GRIN2A: variants seen among roughly 807,000 people sequenced by gnomAD.
GRIN2A encodes the protein glutamate ionotropic receptor NMDA type subunit 2A, also known as glutamate receptor ionotropic, NMDA 2A.
GRIN2A carries 22 observed loss-of-function variants against 113.4 expected under a neutral mutation model. The ratio of observed to expected loss-of-function variants is 0.19; its 90% CI spans 0.14 to 0.28. The LOEUF (loss-of-function observed/expected upper bound fraction) is 0.28. Ranked by LOEUF, GRIN2A falls within the 10% of genes least tolerant of loss-of-function variation. GRIN2A has a pLI of 1.00. For missense variants in GRIN2A, 1,502 were observed against 1,887.0 expected (o/e 0.80, Z 3.78); for synonymous variants, 827 against 738.4 (o/e 1.12, Z -1.94).
chr16:9,959,346 T>C (rs2045380385), intron 2 of GRIN2A, among the ~76,000 whole-genome samples: 2 of 152,212 alleles, frequency 1.3e-5, no homozygotes, highest in Admixed American at 1.3e-4. Context: ...AATTATGATG[T>C]TCTGTCTCCT....
intron 2 of GRIN2A, among the ~76,000 whole-genome samples, chr16:10,101,872 G>T (rs2048405980): frequency 6.6e-6 from 1 of 152,160 alleles, no homozygotes; most frequent in Non-Finnish European, 1.5e-5. Context: ...TGGCAGGTTT[G>T]GGAAAATCTA....
intron 2 of GRIN2A, among the ~76,000 whole-genome samples, chr16:9,966,324 G>C (rs2045555984): frequency 6.6e-6 from 1 of 152,076 alleles, no homozygotes; most frequent in Non-Finnish European, 1.5e-5. Flanking sequence ...ATGTGTCCAT[G>C]TGTTCTCATC....
intron 11 of GRIN2A, among the ~76,000 whole-genome samples, chr16:9,775,556 T>C (rs763927032): frequency 3.3e-5 from 5 of 152,162 alleles, no homozygotes; most frequent in South Asian, 2.1e-4. Context: ...TGGATTTGCA[T>C]AGGGCTGGAG....
intron 3 of GRIN2A, among the ~76,000 whole-genome samples, chr16:9,936,221 C>T (rs1294384702): frequency 3.3e-5 from 5 of 152,138 alleles, no homozygotes; most frequent in Non-Finnish European, 7.3e-5. Context: ...CTGGGCTCAC[C>T]CCATATTTTC....
At chr16:10,045,587 T>C (rs1383573659) in intron 2 of GRIN2A, among the ~76,000 whole-genome samples, 2 of 152,186 alleles carry the variant, frequency 1.3e-5, no homozygotes, top group Non-Finnish European at 2.9e-5. Context: ...GTGAGCCTGA[T>C]GAAGATAAGA....
At chr16:10,055,046 T>TAAAAAA (rs1567266287) in intron 2 of GRIN2A, among the ~76,000 whole-genome samples, 14 of 12,496 alleles carry the variant, frequency 1.1e-3, no homozygotes, top group Admixed American at 1.7e-3. Context: ...AGACTCTATC[T>TAAAAAA]CAAAAAAAAA....
chr16:9,854,613 A>G (rs2042937402), intron 4 of GRIN2A, among the ~76,000 whole-genome samples: 1 of 152,156 alleles, frequency 6.6e-6, no homozygotes, highest in African/African-American at 2.4e-5. Context: ...CCCACCTTGG[A>G]CGTGATGGTG....
chr16:10,079,819 A>C (rs562225173), intron 2 of GRIN2A, among the ~76,000 whole-genome samples: 1 of 152,236 alleles, frequency 6.6e-6, no homozygotes, highest in African/African-American at 2.4e-5. Context: ...AGCTTGGCAC[A>C]GGCTGGGAAG....
chr16:10,015,295 G>GAAAAAAAA (rs2046588998), intron 2 of GRIN2A, among the ~76,000 whole-genome samples: 1 of 101,750 alleles, frequency 9.8e-6, no homozygotes, highest in African/African-American at 3.9e-5. Context: ...AAAAAGAAAG[G>GAAAAAAAA]AAAGGAAAAG....
In GRIN2A at chr16:9,764,418, C is replaced by A. The variant is rs142053517; in HGVS notation, c.3126G>T (p.Arg1042Ser). ...SQRDEATAEN[R>S]THSLKSPRYL... ...ACCTAGGGCTCTTTAGGGAGTGGGT[C>A]CTATTCTCTGCTGTTGCCTCATCCC... The change falls in exon 13 of 13, where the codon AGG (arginine) becomes AGT (serine). Residue 1042 changes from arginine to serine, a missense_variant. By Grantham distance (110) the Arg-to-Ser change is moderately radical. Coordinates refer to ENST00000330684, the MANE Select transcript of GRIN2A (RefSeq NM_001134407.3). The A allele has an allele frequency of 6.2e-7, 1 of 1,613,874 alleles. No homozygotes were observed. The highest frequency in any genetic ancestry group is 1.7e-5 in the Admixed American group (1 of 60,000).
chr16:9,862,322 T>A (rs2043083773), intron 4 of GRIN2A, among the ~76,000 whole-genome samples: 1 of 152,124 alleles, frequency 6.6e-6, no homozygotes, highest in South Asian at 2.1e-4. Context: ...GAGAAGTAGA[T>A]TTTTTTTCCT....
intron 2 of GRIN2A, among the ~76,000 whole-genome samples, chr16:10,137,159 G>A (rs1217921870): frequency 1.3e-5 from 2 of 152,196 alleles, no homozygotes; most frequent in Non-Finnish European, 2.9e-5. Context: ...GACAGAGTCG[G>A]AGGGGTTCAC....
intron 9 of GRIN2A, among the ~76,000 whole-genome samples, chr16:9,823,164 T>C (rs775386537): frequency 1.6e-4 from 24 of 152,186 alleles, no homozygotes; most frequent in Non-Finnish European, 3.1e-4. Flanking sequence ...ATGGATTGGA[T>C]GATTCTGTCT....
chr16:10,156,727 G>C (rs768157950), intron 2 of GRIN2A, among the ~76,000 whole-genome samples: 1 of 152,170 alleles, frequency 6.6e-6, no homozygotes, highest in Admixed American at 6.5e-5. Context: ...GGACTTAAAG[G>C]CAAAGCGGGA....
At chr16:9,887,837 T>C (rs1042384932) in intron 4 of GRIN2A, among the ~76,000 whole-genome samples, 2 of 152,118 alleles carry the variant, frequency 1.3e-5, no homozygotes, top group African/African-American at 4.8e-5. Context: ...GGCGGGTGGA[T>C]CACTTGAGGT....
Position 9,760,765 on chromosome 16 carries a change from C to T in GRIN2A, c.*2384G>A. 1 of 229,754 alleles carries T rather than the reference C, an allele frequency of 4.4e-6. No homozygotes were observed. The allele number at this position is 229,754 out of a possible 1,614,324, so 14.2% of individuals were successfully genotyped here. ...CTCTTTGGCTTGACGACAAATCACT[C>T]TTCTGTATTCTGGGAAGACTTTTTA... is the stretch of plus-strand genomic sequence containing the variant. On this transcript the variant is annotated 3_prime_UTR_variant, in exon 13 of 13. Transcript: ENST00000330684.
Position 9,800,521 on chromosome 16 carries a change from A to G in GRIN2A, c.2169-2057T>C, listed in dbSNP as rs532482306. On this transcript the variant is annotated intron_variant, in intron 10 of 12. Transcript: ENST00000330684. ...AGGATGTGAAACACTGCATCTTTTCAGAGACAGCTGCCGAAGGACTCCCTA... is the reference window on the plus strand; with the variant it reads ...AGGATGTGAAACACTGCATCTTTTCGGAGACAGCTGCCGAAGGACTCCCTA... Among the ~76,000 whole-genome samples, 8 of 152,334 alleles carry G rather than the reference A, an allele frequency of 5.3e-5. 1 individual carries two copies. In the South Asian group the frequency reaches 1.7e-3, roughly 32 times the overall value.
At chr16:10,010,021 T>C (rs940927055) in intron 2 of GRIN2A, among the ~76,000 whole-genome samples, 2 of 152,214 alleles carry the variant, frequency 1.3e-5, no homozygotes, top group Non-Finnish European at 2.9e-5. Flanking sequence ...CACAGTCCCC[T>C]CTACTCTACG....
At chr16:10,073,491 G>T (rs954349210) in intron 2 of GRIN2A, among the ~76,000 whole-genome samples, 1 of 152,110 alleles carries the variant, frequency 6.6e-6, no homozygotes, top group Non-Finnish European at 1.5e-5. Flanking sequence ...TTCCCTCTCA[G>T]CCTGACAAAG....
Sources: gnomAD v4.1 joint callset for allele counts (sites outside exome capture counted in the v4.1 genomes callset) on GRCh38, gnomAD v4.1.1 for gene constraint, MANE v1.5 for transcripts, NCBI Gene and HGNC (gene_info 2026-07-23, HGNC 2026-07-21) for gene names.